CHST12: variants seen among roughly 807,000 people sequenced by gnomAD.
CHST12 encodes carbohydrate (chondroitin 4) sulfotransferase 12.
A neutral mutation model predicts 27.9 loss-of-function variants in CHST12; 23 were observed. That is an observed-to-expected ratio of 0.82 (90% CI 0.59 to 1.17). The LOEUF is 1.17. CHST12 is among the 50% of genes most tolerant of loss of function. CHST12 has a pLI of 0.00. For synonymous variants in CHST12, 322 were observed against 273.0 expected (o/e 1.18, Z -1.77); for missense variants, 682 against 603.0 (o/e 1.13, Z -1.37).
intron 1 of CHST12, among the ~76,000 whole-genome samples, chr7:2,425,061 C>A (rs1312456233): frequency 6.6e-6 from 1 of 152,040 alleles, no homozygotes; most frequent in Admixed American, 6.6e-5. Context: ...CAAAAATTAG[C>A]CAGGTGTGGT....
At position 2,432,988 on chromosome 7, in the gene CHST12, C is replaced by T. The variant is rs2115442402; in HGVS notation, c.349C>T (p.Gln117Ter). 1.9e-6 allele frequency: 3 copies of T among 1,610,210 alleles called. No individual in the cohort carries two copies. The highest frequency in any genetic ancestry group is 2.5e-6 in the Non-Finnish European group (3 of 1,178,608). The part of the protein sequence containing the change: ...SPRDARRSPD[Q>*]GRQQAERRSV... The stretch of plus-strand genomic sequence containing the variant: ...GCGCGACGCCCGGCGCAGCCCAGAC[C>T]AGGGCCGGCAGCAGGCGGAGCGGAG... Residue 117 changes from glutamine to a stop codon, truncating the protein, a stop_gained, in exon 2 of 2, where the codon CAG becomes TAG. Transcript: ENST00000618655. LOFTEE classifies it high-confidence loss of function.
chr7:2,428,343 C>T (rs142624861), intron 1 of CHST12, among the ~76,000 whole-genome samples: 2,248 of 152,162 alleles, frequency 0.015, 25 homozygotes, highest in Non-Finnish European at 0.023. Context: ...TACAGGCGTC[C>T]ACCACCATGC....
intron 1 of CHST12, among the ~76,000 whole-genome samples, chr7:2,417,553 C>T (rs1437363112): frequency 2.6e-5 from 4 of 152,028 alleles, no homozygotes; most frequent in Non-Finnish European, 4.4e-5. Context: ...CCAGGCCTGA[C>T]TAATTTTTGT....
intron 1 of CHST12, among the ~76,000 whole-genome samples, chr7:2,415,559 T>C (rs1781781296): frequency 6.6e-6 from 1 of 152,060 alleles, no homozygotes; most frequent in South Asian, 2.1e-4. Context: ...TAGCTGCTGA[T>C]TGATCAGGGC....
At chr7:2,416,384 A>G (rs1380088107) in intron 1 of CHST12, among the ~76,000 whole-genome samples, 2 of 152,180 alleles carry the variant, frequency 1.3e-5, no homozygotes, top group African/African-American at 4.8e-5. Context: ...TAATGTTGCT[A>G]TTTTGATCTC....
chr7:2,429,275 A>T (rs1267276908), intron 1 of CHST12, among the ~76,000 whole-genome samples: 7 of 152,172 alleles, frequency 4.6e-5, no homozygotes, highest in Admixed American at 4.6e-4. Flanking sequence ...GGGTTTCGCC[A>T]TGTTGGCCAG....
rs1408529866 is a variant in CHST12, at chr7:2,432,834, T to G, written c.195T>G (p.Asp65Glu). 3.7e-6 allele frequency: 6 copies of G among 1,613,754 alleles called. No individual in the cohort carries two copies. The highest frequency in any genetic ancestry group is 4.2e-6 in the Non-Finnish European group (5 of 1,179,912). ...DRDRELTADS[D>E]VDEFLDKFLS... ...ACAGGGAGCTCACGGCCGACTCCGA[T>G]GTCGACGAGTTTCTGGACAAGTTTC... is the stretch of plus-strand genomic sequence containing the variant. Residue 65 changes from aspartate (D) to glutamate (E), a missense_variant, in exon 2 of 2, where the codon GAT (aspartate) becomes GAG (glutamate). Coordinates refer to ENST00000618655, the MANE Select transcript of CHST12 (RefSeq NM_018641.5).
At chr7:2,417,097 C>T (rs539455492) in intron 1 of CHST12, among the ~76,000 whole-genome samples, 4 of 152,212 alleles carry the variant, frequency 2.6e-5, no homozygotes, top group Admixed American at 1.3e-4. Context: ...CACACAATTA[C>T]GGAGGCTGAG....
intron 1 of CHST12, among the ~76,000 whole-genome samples, chr7:2,410,144 G>A (rs1250823712): frequency 6.6e-6 from 1 of 152,202 alleles, no homozygotes; most frequent in Admixed American, 6.5e-5. Context: ...AGAGAGAGCA[G>A]TATTATACAT....
In CHST12 at chr7:2,433,844, T is replaced by C. The variant is rs749343942; in HGVS notation, c.1205T>C (p.Leu402Pro). The C allele has an allele frequency of 3.8e-6, 6 of 1,596,072 alleles. No homozygotes were observed. Among genetic ancestry groups the C allele is most frequent in the African/African-American group, 1.3e-5 (1 of 74,466 alleles). ...LYKLYEADFV[L>P]FGYPKPENLL... Reference sequence around the variant, plus strand: ...AAACTCTACGAGGCCGACTTTGTTCTCTTCGGCTACCCCAAGCCCGAAAAC... The same window carrying C: ...AAACTCTACGAGGCCGACTTTGTTCCCTTCGGCTACCCCAAGCCCGAAAAC... Residue 402 changes from leucine (L) to proline (P), a missense_variant, in exon 2 of 2, where the codon CTC becomes CCC. Coordinates refer to ENST00000618655, the MANE Select transcript of CHST12 (RefSeq NM_018641.5). The surrounding 1 kb of genome is among the most constrained non-coding windows in gnomAD (Gnocchi z 6.1).
intron 1 of CHST12, among the ~76,000 whole-genome samples, chr7:2,421,531 G>A (rs1781976419): frequency 6.6e-6 from 1 of 151,242 alleles, no homozygotes; most frequent in Non-Finnish European, 1.5e-5. Flanking sequence ...CCACCTGCCA[G>A]GTTCAAATGG....
Position 2,433,926 on chromosome 7 carries a change from G to A in CHST12, c.*42G>A. On this transcript the variant is annotated 3_prime_UTR_variant, in exon 2 of 2. Transcript: ENST00000618655. This position sits in a 1 kb window ranked among gnomAD's most constrained non-coding sequence, Gnocchi z 6.1. ...TTTTCTCGCGTGCCTGGAACCTGAC[G>A]CACGCGCACTCCAGTTTTTTTATGA... The A allele has an allele frequency of 2.6e-6, 4 of 1,515,434 alleles. No individual in the cohort carries two copies. The highest frequency in any genetic ancestry group is 3.5e-6 in the Non-Finnish European group (4 of 1,128,852). 93.9% of individuals were successfully genotyped at this position (1,515,434 alleles called of 1,614,324 possible).
In CHST12 at chr7:2,447,673, A is replaced by T. The variant is rs948006642; in HGVS notation, c.*13789A>T. 6.6e-6 allele frequency: 1 copy of T among 151,964 alleles called. No homozygotes were observed. The highest frequency in any genetic ancestry group is 2.4e-5 in the African/African-American group (1 of 41,358). The allele number at this position is 151,964 out of a possible 1,614,324, so 9.4% of individuals were successfully genotyped here. On this transcript the variant is annotated 3_prime_UTR_variant, in exon 2 of 2. Coordinates refer to ENST00000618655, the MANE Select transcript of CHST12 (RefSeq NM_018641.5). Reference sequence around the variant, plus strand: ...TTTTTAGTAGAGATGAGGTTTCACCATGTTGGCCAGGCTGGTCTCGAACTT... The same window carrying T: ...TTTTTAGTAGAGATGAGGTTTCACCTTGTTGGCCAGGCTGGTCTCGAACTT...
chr7:2,433,644 C>T lies in CHST12; in HGVS notation c.1005C>T (p.Asp335=). ...GCCTCTGCCACCCGTGCCAGATCGA[C>T]TACGACTTCGTGGGGAAGCTGGAGA... is the stretch of plus-strand genomic sequence containing the variant. The part of the protein sequence containing the change: ...VYRLCHPCQI[D]YDFVGKLETL... The change falls in exon 2 of 2, where the codon GAC becomes GAT. Residue 335 remains aspartate, a synonymous_variant. Coordinates refer to ENST00000618655, the MANE Select transcript of CHST12 (RefSeq NM_018641.5). The surrounding 1 kb of genome is among the most constrained non-coding windows in gnomAD (Gnocchi z 6.1). 5 of 1,613,808 alleles carry T rather than the reference C, an allele frequency of 3.1e-6. No individual in the cohort carries two copies. Among genetic ancestry groups the T allele is most frequent in the African/African-American group, 1.3e-5 (1 of 75,074 alleles).
chr7:2,439,857 G>C lies in CHST12; in HGVS notation c.*5973G>C, dbSNP rs1012352458. The C allele has an allele frequency of 6.6e-6, 1 of 151,932 alleles. No individual in the cohort carries two copies. The highest frequency in any genetic ancestry group is 1.5e-5 in the Non-Finnish European group (1 of 68,008). The allele number at this position is 151,932 out of a possible 1,614,324, so 9.4% of individuals were successfully genotyped here. On this transcript the variant is annotated 3_prime_UTR_variant, in exon 2 of 2. Transcript: ENST00000618655. Reference sequence around the variant, plus strand: ...TTGGCGCCACTACACTCCAGCCTGGGCGACAGAGCGAGACTCCGTCTCAAA... The same window carrying C: ...TTGGCGCCACTACACTCCAGCCTGGCCGACAGAGCGAGACTCCGTCTCAAA...
intron 1 of CHST12, among the ~76,000 whole-genome samples, chr7:2,409,657 C>T (rs1017825002): frequency 6.0e-5 from 9 of 150,976 alleles, no homozygotes; most frequent in African/African-American, 1.9e-4. Context: ...TGGAGAAGGG[C>T]GGAGGTGAGA....
chr7:2,408,254 C>T (rs1231635218), intron 1 of CHST12, among the ~76,000 whole-genome samples: 1 of 150,780 alleles, frequency 6.6e-6, no homozygotes, highest in Non-Finnish European at 1.5e-5. Context: ...CCCAGCTGCC[C>T]AGGAGGCTGA....
chr7:2,429,231 T>C (rs1410105667), intron 1 of CHST12, among the ~76,000 whole-genome samples: 1 of 152,178 alleles, frequency 6.6e-6, no homozygotes, highest in East Asian at 1.9e-4. Context: ...TTTTATTCCA[T>C]AGCAATAGTT....
chr7:2,406,586 C>T (rs1457035696), intron 1 of CHST12, among the ~76,000 whole-genome samples: 2 of 152,108 alleles, frequency 1.3e-5, no homozygotes, highest in South Asian at 2.1e-4. Context: ...GACCCTTTGG[C>T]TCCCAGAACA....
Sources: allele counts gnomAD v4.1 joint callset (sites outside exome capture counted in the v4.1 genomes callset), GRCh38; gene constraint gnomAD v4.1.1; non-coding constraint Gnocchi (gnomAD v3.1); transcripts MANE v1.5; gene names NCBI Gene and HGNC (gene_info 2026-07-23, HGNC 2026-07-21).